The following PDPR variants were observed in gnomAD, a reference collection of about 807,000 sequenced individuals.
The protein encoded by PDPR is pyruvate dehydrogenase phosphatase regulatory subunit.
PDPR carries 50 observed loss-of-function variants against 102.2 expected under a neutral mutation model. That is an observed-to-expected ratio of 0.49 (90% confidence interval 0.39 to 0.62). The LOEUF is 0.62. PDPR is among the 20% of genes least tolerant of loss of function. The probability of loss-of-function intolerance (pLI) is 0.00; values close to 1 mark genes in which losing one functional copy is unlikely to be tolerated. For synonymous variants in PDPR, 259 were observed against 406.0 expected (o/e 0.64, Z 4.35); for missense variants, 625 against 1,098.2 (o/e 0.57, Z 6.09).
chr16:70,144,150 C>T (rs1371882160), intron 14 of PDPR, among the ~76,000 whole-genome samples: 3 of 151,380 alleles, frequency 2.0e-5, no homozygotes, highest in Non-Finnish European at 4.4e-5. Flanking sequence ...CCTTGGCCTC[C>T]AAAGTGCTGG....
intron 4 of PDPR, among the ~76,000 whole-genome samples, chr16:70,128,308 A>C (rs1263183453): frequency 1.3e-5 from 2 of 152,144 alleles, no homozygotes; most frequent in African/African-American, 4.8e-5. Flanking sequence ...ACCCACTGCA[A>C]CCTCCACCTC....
intron 2 of PDPR, among the ~76,000 whole-genome samples, chr16:70,115,984 G>A (rs1189932291): frequency 2.0e-5 from 3 of 151,450 alleles, no homozygotes; most frequent in African/African-American, 7.3e-5. Flanking sequence ...CTTTTCCTTC[G>A]TTGTCTTAAG....
At chr16:70,125,554 A>G (rs1429689849) in intron 3 of PDPR, among the ~76,000 whole-genome samples, 24 of 59,814 alleles carry the variant, frequency 4.0e-4, no homozygotes. Context: ...CTGCGTCTCA[A>G]AAAAAAAAAA....
chr16:70,151,805 T>C (rs1966760647), intron 17 of PDPR, among the ~76,000 whole-genome samples: 2 of 152,184 alleles, frequency 1.3e-5, no homozygotes, highest in African/African-American at 4.8e-5. Context: ...TATGTTTGTC[T>C]CTCTGAGAAG....
downstream of PDPR, among the ~76,000 whole-genome samples, chr16:70,162,957 A>ATT (rs373080334): frequency 3.3e-5 from 5 of 150,672 alleles, no homozygotes; most frequent in African/African-American, 1.2e-4. Context: ...CTGTTCACTA[A>ATT]TTTTTTTTTT....
upstream of PDPR, chr16:70,114,287 C>T (rs906421417): frequency 5.3e-5 from 8 of 152,186 alleles, no homozygotes; most frequent in Admixed American, 5.2e-4. Flanking sequence ...GTCGCGGTCT[C>T]GGCTTCCCCG....
At position 70,132,163 on chromosome 16, in the gene PDPR, C is replaced by T; in HGVS notation, c.860C>T (p.Ala287Val). The T allele has an allele frequency of 1.2e-6, 2 of 1,612,082 alleles. No individual in the cohort carries two copies. Among genetic ancestry groups the T allele is most frequent in the Non-Finnish European group, 1.7e-6 (2 of 1,178,220 alleles). The part of the protein sequence containing the change: ...LQSSTPTIVD[A>V]DGRIYIRNWQ... ...TTCTCCACCTCAGCTATTGTGGATG[C>T]TGATGGAAGAATTTATATTCGGAAC... Residue 287 changes from alanine to valine, a missense_variant, in exon 9 of 19, where the codon GCT (alanine) becomes GTT (valine). Around this residue, in one of 11 missense-constraint regions of PDPR, gnomAD observed 16 missense variants for 93.0 expected, o/e 0.17. Coordinates refer to ENST00000288050, the MANE Select transcript of PDPR (RefSeq NM_017990.5).
intron 16 of PDPR, among the ~76,000 whole-genome samples, chr16:70,148,006 A>C (rs1234384209): frequency 6.6e-6 from 1 of 152,248 alleles, no homozygotes; most frequent in Admixed American, 6.5e-5. Flanking sequence ...TCTGAGAATC[A>C]GAAGCCCATC....
chr16:70,138,651 C>T (rs1965410236), intron 10 of PDPR, among the ~76,000 whole-genome samples: 1 of 152,254 alleles, frequency 6.6e-6, no homozygotes, highest in South Asian at 2.1e-4. Flanking sequence ...ATGTGTCTGG[C>T]TGGCTTCTAT....
chr16:70,130,687 A>G (rs1479917683), intron 7 of PDPR, 143 bp downstream of exon 7: 7 of 1,110,718 alleles, frequency 6.3e-6, no homozygotes, highest in Non-Finnish European at 7.7e-6. Flanking sequence ...TAAATCAGAA[A>G]CCTACACTTA....
At position 70,145,692 on chromosome 16, in the gene PDPR, A is replaced by G. The variant is rs372211173; in HGVS notation, c.1868-442A>G. ...CCTGTCTTAGGATGGATGACATGTA[A>G]TTAGCACAAGCTGATGTCACAAACA... On this transcript the variant is annotated intron_variant, in intron 15 of 18. Transcript: ENST00000288050. 34 of 463,322 alleles carry G rather than the reference A, an allele frequency of 7.3e-5. No homozygotes were observed. In the East Asian group the frequency reaches 1.9e-3, roughly 26 times the overall value. The allele number at this position is 463,322 out of a possible 1,614,324, so 28.7% of individuals were successfully genotyped here.
At chr16:70,132,727 A>G (rs1964667695) in intron 9 of PDPR, among the ~76,000 whole-genome samples, 1 of 151,884 alleles carries the variant, frequency 6.6e-6, no homozygotes, top group Non-Finnish European at 1.5e-5. Context: ...GGCTCAAGTG[A>G]TCCCTTTCAC....
At chr16:70,123,568 C>T (rs1963584981) in intron 3 of PDPR, among the ~76,000 whole-genome samples, 1 of 152,270 alleles carries the variant, frequency 6.6e-6, no homozygotes, top group East Asian at 1.9e-4. Flanking sequence ...CAAAGTCTTT[C>T]TCCTATTTTT....
chr16:70,151,211 G>A (rs138574822), intron 17 of PDPR, among the ~76,000 whole-genome samples: 573 of 152,068 alleles, frequency 3.8e-3, no homozygotes, highest in African/African-American at 0.013. Flanking sequence ...TGGGATTACA[G>A]GCATGAGCCA....
Position 70,160,546 on chromosome 16 carries a change from G to T in PDPR, c.*3667G>T, listed in dbSNP as rs1967682684. ...CACATAGCCCAGTGATTAAACCCCG[G>T]TTTCACTCTGGCCCCAGGAGTGGAG... is the stretch of plus-strand genomic sequence containing the variant. On this transcript the variant is annotated 3_prime_UTR_variant, in exon 19 of 19. Coordinates refer to ENST00000288050, the MANE Select transcript of PDPR (RefSeq NM_017990.5). The T allele has an allele frequency of 6.6e-6, 1 of 152,514 alleles. No individual in the cohort carries two copies. The allele number at this position is 152,514 out of a possible 1,614,324, so 9.4% of individuals were successfully genotyped here.
chr16:70,156,436 A>G (rs2152122827), intron 18 of PDPR, 39 bp from the exon 19 acceptor site: 1 of 1,605,400 alleles, frequency 6.2e-7, no homozygotes, highest in East Asian at 2.2e-5. Context: ...CGAGGGTCTG[A>G]GTGTCGCTGG....
intron 11 of PDPR, among the ~76,000 whole-genome samples, chr16:70,141,608 G>A (rs1023928748): frequency 6.6e-6 from 1 of 152,278 alleles, no homozygotes; most frequent in Non-Finnish European, 1.5e-5. Context: ...TCTCTGCTAT[G>A]AAGCTTGGTA....
intron 6 of PDPR, among the ~76,000 whole-genome samples, chr16:70,130,043 A>G (rs1248526990): frequency 3.9e-5 from 6 of 152,376 alleles, no homozygotes. Context: ...CTGTAATCCC[A>G]GCACTTTGGG....
At chr16:70,132,979 A>G (rs1459124728) in intron 9 of PDPR, among the ~76,000 whole-genome samples, 1 of 152,042 alleles carries the variant, frequency 6.6e-6, no homozygotes, top group African/African-American at 2.4e-5. Context: ...TGCCTAGCTA[A>G]TGTTTAAATT....
Sources: gnomAD v4.1 joint callset for allele counts (sites outside exome capture counted in the v4.1 genomes callset) on GRCh38, gnomAD v4.1.1 for gene constraint, gnomAD v4.1.1 regional missense constraint, MANE v1.5 for transcripts, NCBI Gene and HGNC (gene_info 2026-07-23, HGNC 2026-07-21) for gene names.